TOLLIP: variants seen among roughly 807,000 people sequenced by gnomAD.
The protein encoded by TOLLIP is toll interacting protein.
Under a neutral mutation model 33.5 loss-of-function variants are expected in TOLLIP, and 16 were observed. That is an observed-to-expected ratio of 0.48 (90% confidence interval 0.32 to 0.72). The LOEUF is 0.72. Ranked by LOEUF, TOLLIP falls within the 30% of genes least tolerant of loss-of-function variation. The pLI, the probability that TOLLIP is intolerant of heterozygous loss-of-function variation, is 0.03. For synonymous variants in TOLLIP, 176 were observed against 163.7 expected (o/e 1.07, Z -0.57); for missense variants, 325 against 396.6 (o/e 0.82, Z 1.53).
intron 2 of TOLLIP, chr11:1,295,406 A>AGAGCAGACG (rs1864081677): frequency 2.3e-6 from 1 of 434,828 alleles, no homozygotes; most frequent in South Asian, 5.6e-5. Context: ...GGCCCTACAC[A>AGAGCAGACG]GAGCAGACGC....
chr11:1,277,017 A>C lies in TOLLIP; in HGVS notation c.*22T>G. The C allele has an allele frequency of 6.2e-7, 1 of 1,608,852 alleles. No homozygotes were observed. Among genetic ancestry groups the C allele is most frequent in the Admixed American group, 1.7e-5 (1 of 59,788 alleles). ...TCGGCGTGTCCAAAGAGCGGGGGCA[A>C]AACGGCATCGAGGCAGAGGCTCTAT... On this transcript the variant is annotated 3_prime_UTR_variant, in exon 6 of 6. Coordinates refer to ENST00000317204, the MANE Select transcript of TOLLIP (RefSeq NM_019009.4). The surrounding 1 kb of genome is among the most constrained non-coding windows in gnomAD (Gnocchi z 4.2).
chr11:1,305,154 G>C (rs943575271), intron 1 of TOLLIP, among the ~76,000 whole-genome samples: 3 of 152,204 alleles, frequency 2.0e-5, no homozygotes, highest in Admixed American at 1.3e-4. Flanking sequence ...ACAGTGAAAA[G>C]ATGTGATTTC....
chr11:1,295,907 A>G (rs749210546), intron 1 of TOLLIP, 113 bp from the exon 2 acceptor site: 9 of 1,318,866 alleles, frequency 6.8e-6, no homozygotes, highest in Non-Finnish European at 9.1e-6. Flanking sequence ...GTCCTTATCA[A>G]GTCCTGGACT....
Position 1,290,576 on chromosome 11 carries a change from C to T in TOLLIP, c.184-167G>A, listed in dbSNP as rs1863902031. On this transcript the variant is annotated intron_variant, in intron 2 of 5. Transcript: ENST00000317204. This position sits in a 1 kb window ranked among gnomAD's most constrained non-coding sequence, Gnocchi z 4.9. ...GGCTGTGACCTGCTTCCCAGGAGGC[C>T]AGGAGCAAGAAGAGTGAGCCACAGA... Among the ~76,000 whole-genome samples the T allele has an allele frequency of 6.6e-6, 1 of 152,140 alleles. No homozygotes were observed. Among genetic ancestry groups the T allele is most frequent in the African/African-American group, 2.4e-5 (1 of 41,404 alleles).
chr11:1,276,403 T>A lies in TOLLIP; in HGVS notation c.*636A>T, dbSNP rs2133871744. On this transcript the variant is annotated 3_prime_UTR_variant, in exon 6 of 6. Coordinates refer to ENST00000317204, the MANE Select transcript of TOLLIP (RefSeq NM_019009.4). Reference sequence around the variant, plus strand: ...GCCAGGCCCCCTTCCTCACTCCAGGTGTGGGTTCATTCTGCCTTCAGGCCG... The same window carrying A: ...GCCAGGCCCCCTTCCTCACTCCAGGAGTGGGTTCATTCTGCCTTCAGGCCG... The A allele has an allele frequency of 7.3e-6, 2 of 274,820 alleles. No individual in the cohort carries two copies. Among genetic ancestry groups the A allele is most frequent in the Non-Finnish European group, 1.4e-5 (2 of 138,252 alleles). The allele number at this position is 274,820 out of a possible 1,614,324, so 17.0% of individuals were successfully genotyped here.
In TOLLIP at chr11:1,277,216, C is replaced by T; in HGVS notation, c.648G>A (p.Val216=). ...PAVCSPGMVP[V]ALPPAAVNAQ... ...CGTTCACGGCGGCCGGGGGCAGGGC[C>T]ACGGGCACCATGCCGGGGCTACAGA... The change falls in exon 6 of 6, where the codon GTG becomes GTA. Residue 216 remains valine (V), a synonymous_variant. Coordinates refer to ENST00000317204, the MANE Select transcript of TOLLIP (RefSeq NM_019009.4). The surrounding 1 kb of genome is among the most constrained non-coding windows in gnomAD (Gnocchi z 4.2). 1 of 1,588,622 alleles carries T rather than the reference C, an allele frequency of 6.3e-7. No homozygotes were observed. Among genetic ancestry groups the T allele is most frequent in the South Asian group, 1.1e-5 (1 of 89,394 alleles).
intron 1 of TOLLIP, among the ~76,000 whole-genome samples, chr11:1,302,346 G>C (rs1284107102): frequency 6.6e-6 from 1 of 152,258 alleles, no homozygotes; most frequent in Non-Finnish European, 1.5e-5. Context: ...CAGGGTTTCA[G>C]AGACTGAAGT....
chr11:1,290,108 C>G lies in TOLLIP; in HGVS notation c.366+119G>C. The stretch of plus-strand genomic sequence containing the variant: ...CCCTGTCATGCACCCAATGAAACAC[C>G]AGGTGGGGAGCCACGCCTCGAAGCC... On this transcript the variant is annotated intron_variant, in intron 3 of 5. Coordinates refer to ENST00000317204, the MANE Select transcript of TOLLIP (RefSeq NM_019009.4). The surrounding 1 kb of genome is among the most constrained non-coding windows in gnomAD (Gnocchi z 4.9). 1 of 953,010 alleles carries G rather than the reference C, an allele frequency of 1.0e-6. No homozygotes were observed. The highest frequency in any genetic ancestry group is 1.6e-6 in the Non-Finnish European group (1 of 629,444). The allele number at this position is 953,010 out of a possible 1,614,324, so 59.0% of individuals were successfully genotyped here. A position where few individuals can be genotyped will look rare whatever the true frequency, so the allele number is the denominator to read the frequency against.
At position 1,304,364 on chromosome 11, in the gene TOLLIP, T is replaced by A. The variant is rs868496110; in HGVS notation, c.33+5102A>T. 3.9e-5 allele frequency among the ~76,000 whole-genome samples: 6 copies of A among 152,170 alleles called. No individual in the cohort carries two copies. In the Middle Eastern group the frequency reaches 0.017, roughly 431 times the overall value. ...GTTTGCCAGCAAGGAAAATTCTAGA[T>A]GAACCTGAAGCTAAAGGAAAGTGAC... is the stretch of plus-strand genomic sequence containing the variant. On this transcript the variant is annotated intron_variant, in intron 1 of 5. Coordinates refer to ENST00000317204, the MANE Select transcript of TOLLIP (RefSeq NM_019009.4).
chr11:1,287,854 G>C (rs1219448771), intron 4 of TOLLIP, among the ~76,000 whole-genome samples: 1 of 144,974 alleles, frequency 6.9e-6, no homozygotes, highest in South Asian at 2.3e-4. Flanking sequence ...CCTCCCTGCC[G>C]CACCCTCTCT....
intron 2 of TOLLIP, among the ~76,000 whole-genome samples, chr11:1,292,436 AT>A (rs1863980665): frequency 6.6e-6 from 1 of 152,234 alleles, no homozygotes; most frequent in Non-Finnish European, 1.5e-5. Flanking sequence ...CCTGTCACCG[AT>A]GCCTGCTCAC....
intron 1 of TOLLIP, among the ~76,000 whole-genome samples, chr11:1,302,368 C>T (rs1309050890): frequency 6.6e-6 from 1 of 152,252 alleles, no homozygotes; most frequent in South Asian, 2.1e-4. Flanking sequence ...CCAGCCTGCA[C>T]ATGCCCCAGG....
intron 5 of TOLLIP, among the ~76,000 whole-genome samples, chr11:1,282,420 T>C (rs1380981789): frequency 6.6e-6 from 1 of 151,810 alleles, no homozygotes; most frequent in Non-Finnish European, 1.5e-5. Context: ...CGGATACATA[T>C]GTAACAAACC....
At position 1,286,024 on chromosome 11, in the gene TOLLIP, G is replaced by C. The variant is rs200881444; in HGVS notation, c.588C>G (p.Gly196=). The C allele has an allele frequency of 6.3e-7, 1 of 1,596,558 alleles. No homozygotes were observed. Among genetic ancestry groups the C allele is most frequent in the Non-Finnish European group, 8.5e-7 (1 of 1,172,784 alleles). Residue 196 remains glycine (G), a synonymous_variant, in exon 5 of 6, where the codon GGC becomes GGG. Transcript: ENST00000317204. ...VVLMPTVYQQ[G]VGYVPITGMP... Reference sequence around the variant, plus strand: ...CACCTGTGATGGGCACATAGCCAACGCCCTGCTGGTACACTGTTGGCATCA... The same window carrying C: ...CACCTGTGATGGGCACATAGCCAACCCCCTGCTGGTACACTGTTGGCATCA...
chr11:1,293,040 G>A (rs1309147291), intron 2 of TOLLIP, among the ~76,000 whole-genome samples: 6 of 152,128 alleles, frequency 3.9e-5, no homozygotes, highest in African/African-American at 1.2e-4. Context: ...GGGGCTGAGC[G>A]GGGGCAGTGG....
In TOLLIP at chr11:1,290,311, G is replaced by C; in HGVS notation, c.282C>G (p.Gly94=). 6.2e-7 allele frequency: 1 copy of C among 1,613,634 alleles called. No individual in the cohort carries two copies. The highest frequency in any genetic ancestry group is 8.5e-7 in the Non-Finnish European group (1 of 1,179,976). The change falls in exon 3 of 6, where the codon GGC becomes GGG. Residue 94 remains glycine (G), a synonymous_variant. Coordinates refer to ENST00000317204, the MANE Select transcript of TOLLIP (RefSeq NM_019009.4). The surrounding 1 kb of genome is among the most constrained non-coding windows in gnomAD (Gnocchi z 4.9). ...AVYETPTAHN[G]AKNPRWNKVI... ...CCTTATTCCAGCGGGGATTCTTGGC[G>C]CCATTGTGTGCCGTGGGCGTCTCGT...
intron 1 of TOLLIP, among the ~76,000 whole-genome samples, chr11:1,306,827 G>A (rs2133936374): frequency 6.6e-6 from 1 of 151,972 alleles, no homozygotes; most frequent in Admixed American, 6.5e-5. Context: ...CTCGGCCCCT[G>A]GGGCTCCCTC....
chr11:1,276,298 C>T lies in TOLLIP; in HGVS notation c.*741G>A, dbSNP rs933834576. ...GCTGGCACGAGCGCAGCAGGAGAGA[C>T]GGACGGCAGCCTCCGGCGGGCGAAG... On this transcript the variant is annotated 3_prime_UTR_variant, in exon 6 of 6. Transcript: ENST00000317204. 8 of 223,334 alleles carry T rather than the reference C, an allele frequency of 3.6e-5. No individual in the cohort carries two copies. The highest frequency in any genetic ancestry group is 1.2e-4 in the East Asian group (1 of 8,562). The allele number at this position is 223,334 out of a possible 1,614,324, so 13.8% of individuals were successfully genotyped here. A position where few individuals can be genotyped will look rare whatever the true frequency, so the allele number is the denominator to read the frequency against.
chr11:1,305,207 C>T (rs1171543462), intron 1 of TOLLIP, among the ~76,000 whole-genome samples: 2 of 152,202 alleles, frequency 1.3e-5, no homozygotes, highest in South Asian at 2.1e-4. Flanking sequence ...ACTCACAACC[C>T]GGCCTAAAAA....
Sources: allele counts gnomAD v4.1 joint callset (sites outside exome capture counted in the v4.1 genomes callset), GRCh38; gene constraint gnomAD v4.1.1; non-coding constraint Gnocchi (gnomAD v3.1); transcripts MANE v1.5; gene names NCBI Gene and HGNC (gene_info 2026-07-23, HGNC 2026-07-21).